The following CD44 variants were observed in gnomAD, a reference collection of about 807,000 sequenced individuals.
CD44 encodes CD44 antigen.
In CD44, 49 loss-of-function variants were observed where a neutral mutation model predicts 88.8. The observed-to-expected ratio is 0.55, with a 90% CI of 0.44 to 0.70. The LOEUF (loss-of-function observed/expected upper bound fraction) is 0.70, where lower values mean the gene tolerates loss of function less well. Among genes scored for constraint, CD44 ranks in the 30% least tolerant of loss-of-function variants. The pLI is 0.00. For synonymous variants in CD44, 325 were observed against 312.3 expected (o/e 1.04, Z -0.43); for missense variants, 883 against 913.8 (o/e 0.97, Z 0.43).
intron 5 of CD44, 53 bp downstream of exon 5, chr11:35,190,118 C>G: frequency 6.8e-7 from 1 of 1,466,216 alleles, no homozygotes; most frequent in African/African-American, 1.4e-5. Context: ...GGCAAAATGT[C>G]TCTGACCTTC....
intron 10 of CD44, chr11:35,204,857 G>A: frequency 2.1e-6 from 1 of 474,204 alleles, no homozygotes; most frequent in Non-Finnish European, 3.8e-6. Context: ...AATAAGAACA[G>A]GAAACACAGA....
At chr11:35,223,453 G>A (rs944728086) in intron 17 of CD44, 5 of 203,738 alleles carry the variant, frequency 2.5e-5, no homozygotes, top group African/African-American at 4.7e-5. Flanking sequence ...GGGAGACCTC[G>A]GAGAAGCATC....
chr11:35,204,957 C>G, intron 10 of CD44: 1 of 257,600 alleles, frequency 3.9e-6, no homozygotes, highest in Non-Finnish European at 7.6e-6. Flanking sequence ...ATATCGCTGT[C>G]TGTTGTATAA....
intron 1 of CD44, among the ~76,000 whole-genome samples, chr11:35,150,366 G>A (rs948582667): frequency 5.3e-5 from 8 of 152,146 alleles, no homozygotes. Flanking sequence ...GCAGGCCTGA[G>A]AGATGGTGAA....
At chr11:35,185,318 G>GT (rs751124275) in intron 3 of CD44, among the ~76,000 whole-genome samples, 28 of 152,046 alleles carry the variant, frequency 1.8e-4, no homozygotes, top group Non-Finnish European at 2.5e-4. Flanking sequence ...AAAACTTTCT[G>GT]TTTTTTTCCA....
intron 3 of CD44, 22 bp downstream of exon 3, chr11:35,180,429 T>A: frequency 1.2e-6 from 2 of 1,613,850 alleles, no homozygotes; most frequent in Non-Finnish European, 1.7e-6. Context: ...GGGGGGTGTC[T>A]GTTGGCGTGA....
intron 10 of CD44, 30 bp downstream of exon 10, chr11:35,204,670 A>T (rs764750196): frequency 6.2e-7 from 1 of 1,606,230 alleles, no homozygotes; most frequent in Non-Finnish European, 8.5e-7. Context: ...GTAAATTTGG[A>T]TGGAAACTTC....
chr11:35,167,106 G>A (rs760236872), intron 1 of CD44, among the ~76,000 whole-genome samples: 1 of 152,192 alleles, frequency 6.6e-6, no homozygotes, highest in Non-Finnish European at 1.5e-5. Flanking sequence ...AACAAATGAA[G>A]AAGAAAATGA....
chr11:35,217,282 T>A (rs913448743), intron 15 of CD44, among the ~76,000 whole-genome samples: 6 of 149,232 alleles, frequency 4.0e-5, no homozygotes, highest in Non-Finnish European at 5.9e-5. Context: ...TTTTTTTTTT[T>A]AAATCAAAAT....
rs1388978173 is a variant in CD44 at position 35,150,430 on chromosome 11, A to G, written c.67+11060A>G. Reference sequence around the variant, plus strand: ...CCCCCAGTAAAAATTTCTTTTCATCATAAAACCAGAGAAACTCTTGCTCAG... The same window carrying G: ...CCCCCAGTAAAAATTTCTTTTCATCGTAAAACCAGAGAAACTCTTGCTCAG... On this transcript the variant is annotated intron_variant, in intron 1 of 17. Transcript: ENST00000428726. 2.6e-5 allele frequency among the ~76,000 whole-genome samples: 4 copies of G among 152,226 alleles called. No individual in the cohort carries two copies. In the South Asian group the frequency reaches 8.3e-4, roughly 32 times the overall value.
intron 1 of CD44, among the ~76,000 whole-genome samples, chr11:35,167,668 A>C (rs1943445545): frequency 6.6e-6 from 1 of 152,198 alleles, no homozygotes; most frequent in Admixed American, 6.5e-5. Context: ...CAGGAGCTCA[A>C]TCACTTTGGG....
At chr11:35,221,872 GACCCA>G in intron 17 of CD44, 140 bp downstream of exon 17, 1 of 755,040 alleles carries the variant, frequency 1.3e-6, no homozygotes, top group Non-Finnish European at 2.3e-6. Flanking sequence ...CACAATCTCA[GACCCA>G]ACCCCAGACC....
chr11:35,139,217 C>T lies in CD44; in HGVS notation c.-87C>T. The T allele has an allele frequency of 1.9e-6, 2 of 1,074,562 alleles. No homozygotes were observed. The highest frequency in any genetic ancestry group is 2.8e-6 in the Non-Finnish European group (2 of 715,714). The allele number at this position is 1,074,562 out of a possible 1,614,324, so 66.6% of individuals were successfully genotyped here. A position where few individuals can be genotyped will look rare whatever the true frequency, so the allele number is the denominator to read the frequency against. ...GCCTCTGCCAGGTTCGGTCCGCCAT[C>T]CTCGTCCCGTCCTCCGCCGGCCCCT... On this transcript the variant is annotated 5_prime_UTR_variant, in exon 1 of 18. Transcript: ENST00000428726.
At chr11:35,212,041 T>A (rs1222731360) in intron 14 of CD44, among the ~76,000 whole-genome samples, 2 of 152,182 alleles carry the variant, frequency 1.3e-5, no homozygotes, top group Non-Finnish European at 2.9e-5. Flanking sequence ...AGGGACCACT[T>A]CTCTTATTGT....
In CD44 at chr11:35,201,207, T is replaced by TG; in HGVS notation, c.1036+13dup. 6.4e-7 allele frequency: 1 copy of TG among 1,567,592 alleles called. No individual in the cohort carries two copies. Among genetic ancestry groups the TG allele is most frequent in the Non-Finnish European group, 8.8e-7 (1 of 1,137,446 alleles). On this transcript the variant is annotated intron_variant, in intron 8 of 17. Coordinates refer to ENST00000428726, the MANE Select transcript of CD44 (RefSeq NM_000610.4). ...CACAAGGATGACTGGTAATGGGTTC[T>TG]GCATATTTAATGAAAGATTTTTTTC...
At chr11:35,210,078 G>A in intron 13 of CD44, 24 bp downstream of exon 13, 1 of 1,385,024 alleles carries the variant, frequency 7.2e-7, no homozygotes, top group Non-Finnish European at 9.8e-7. Context: ...AACCTAGTTG[G>A]CTTCAGCTAT....
chr11:35,157,067 C>T (rs909372119), intron 1 of CD44, among the ~76,000 whole-genome samples: 2 of 151,762 alleles, frequency 1.3e-5, no homozygotes, highest in African/African-American at 4.9e-5. Context: ...AGCCTGTCTA[C>T]TCTATTGGTC....
chr11:35,193,939 C>T (rs770403639), intron 5 of CD44, among the ~76,000 whole-genome samples: 2 of 152,190 alleles, frequency 1.3e-5, no homozygotes, highest in African/African-American at 2.4e-5. Context: ...GAGGCTGATG[C>T]GTGTGGGCGG....
At chr11:35,144,022 G>A (rs892959195) in intron 1 of CD44, among the ~76,000 whole-genome samples, 1 of 152,232 alleles carries the variant, frequency 6.6e-6, no homozygotes. Flanking sequence ...TAGGTTGTGC[G>A]ACCCTGGGTA....
Sources: gnomAD v4.1 joint callset for allele counts (sites outside exome capture counted in the v4.1 genomes callset) on GRCh38, gnomAD v4.1.1 for gene constraint, MANE v1.5 for transcripts, NCBI Gene and HGNC (gene_info 2026-07-23, HGNC 2026-07-21) for gene names.